SAMD13: variants seen among roughly 807,000 people sequenced by gnomAD.
SAMD13 encodes sterile alpha motif domain-containing protein 13.
SAMD13 carries 9 observed loss-of-function variants against 12.4 expected under a neutral mutation model. The observed-to-expected ratio is 0.72, with a 90% CI of 0.44 to 1.26. The LOEUF is 1.26. SAMD13 is among the 50% of genes most tolerant of loss of function. The pLI, the probability that SAMD13 is intolerant of heterozygous loss-of-function variation, is 0.00. For missense variants in SAMD13, 84 were observed against 119.6 expected, an observed-to-expected ratio of 0.70 and a Z score of 1.39; for synonymous variants, 46 against 45.4, an observed-to-expected ratio of 1.01 and a Z score of -0.05.
intron 3 of SAMD13, among the ~76,000 whole-genome samples, chr1:84,348,430 G>A (rs551589332): frequency 6.6e-6 from 1 of 152,120 alleles, no homozygotes; most frequent in African/African-American, 2.4e-5. Context: ...CCCCATGTCT[G>A]TCGGTCAGTG....
At chr1:84,334,938 T>A (rs986994887) in intron 3 of SAMD13, among the ~76,000 whole-genome samples, 7 of 152,142 alleles carry the variant, frequency 4.6e-5, no homozygotes, top group South Asian at 2.1e-4. Context: ...CCCTTTTTTT[T>A]AATTTTCTGA....
At chr1:84,325,582 G>C in intron 2 of SAMD13, 55 bp from the exon 3 acceptor site, 1 of 1,087,882 alleles carries the variant, frequency 9.2e-7, no homozygotes, top group Non-Finnish European at 1.4e-6. Context: ...TGTGAGCCTG[G>C]CCACACCCTT....
chr1:84,343,165 C>T (rs1273922115), intron 3 of SAMD13, among the ~76,000 whole-genome samples: 1 of 152,190 alleles, frequency 6.6e-6, no homozygotes, highest in Non-Finnish European at 1.5e-5. Context: ...TACCATCTTA[C>T]ACCAGTCAGA....
At chr1:84,307,048 GTGTT>G (rs1678595127) in intron 2 of SAMD13, among the ~76,000 whole-genome samples, 1 of 151,894 alleles carries the variant, frequency 6.6e-6, no homozygotes, top group South Asian at 2.1e-4. Flanking sequence ...CTTGTGCTTT[GTGTT>G]TGTTTGGTTT....
In SAMD13 at chr1:84,318,454, T is replaced by A. The variant is rs1182326309; in HGVS notation, c.54-7183T>A. Among the ~76,000 whole-genome samples, 4 of 152,254 alleles carry A rather than the reference T, an allele frequency of 2.6e-5. No individual in the cohort carries two copies. The East Asian group carries it at 7.7e-4, about 29-fold the overall frequency. The stretch of plus-strand genomic sequence containing the variant: ...GCCATTGATTTCTAGTTTCATTCAA[T>A]CAAAAAAGATATTTGGTATAATTTC... On this transcript the variant is annotated intron_variant, in intron 2 of 3. Transcript: ENST00000394834.
rs1358076827 is a variant in SAMD13, at chr1:84,349,892, A to C, written c.*118A>C. On this transcript the variant is annotated 3_prime_UTR_variant, in exon 4 of 4. Transcript: ENST00000394834. The stretch of plus-strand genomic sequence containing the variant: ...TGTATATGTAAAGAATTTCAATCAA[A>C]TGAAACGTTATCCTATTGGATAGAC... The C allele has an allele frequency of 6.9e-7, 1 of 1,439,454 alleles. No individual in the cohort carries two copies. Among genetic ancestry groups the C allele is most frequent in the Non-Finnish European group, 9.1e-7 (1 of 1,098,656 alleles). The allele number at this position is 1,439,454 out of a possible 1,614,324, so 89.2% of individuals were successfully genotyped here.
At chr1:84,322,905 C>A (rs1186848851) in intron 2 of SAMD13, among the ~76,000 whole-genome samples, 1 of 152,082 alleles carries the variant, frequency 6.6e-6, no homozygotes, top group African/African-American at 2.4e-5. Flanking sequence ...ATCAGGAAAG[C>A]CTCCCATCTT....
chr1:84,347,783 C>T lies in SAMD13; in HGVS notation c.166-1848C>T, dbSNP rs538864710. Among the ~76,000 whole-genome samples, 225 of 152,266 alleles carry T rather than the reference C, an allele frequency of 1.5e-3. 4 individuals carry two copies. In the South Asian group the frequency reaches 0.019, roughly 13 times the overall value. ...CTGTGGTTTCCAGGGGCCAGAGGCT[C>T]CTCTCCCAACTCTCAGACATGCAGG... On this transcript the variant is annotated intron_variant, in intron 3 of 3. Coordinates refer to ENST00000394834, the MANE Select transcript of SAMD13 (RefSeq NM_001134663.2).
intron 3 of SAMD13, 147 bp from the exon 4 acceptor site, chr1:84,349,484 A>G: frequency 5.1e-6 from 7 of 1,361,974 alleles, no homozygotes; most frequent in Non-Finnish European, 6.9e-6. Context: ...AGAGGATTGC[A>G]TTTTTTCCAT....
intron 2 of SAMD13, among the ~76,000 whole-genome samples, chr1:84,322,475 C>G (rs192754788): frequency 6.4e-4 from 97 of 152,242 alleles, no homozygotes; most frequent in African/African-American, 2.2e-3. Context: ...GTGTGAAAAA[C>G]AGATTTTAAG....
chr1:84,310,302 GGAA>G (rs751807963), intron 2 of SAMD13, among the ~76,000 whole-genome samples: 45 of 152,100 alleles, frequency 3.0e-4, no homozygotes, highest in Non-Finnish European at 5.4e-4. Flanking sequence ...GGGCCACATT[GGAA>G]GAAGAATTGT....
At chr1:84,315,792 G>A (rs540013810) in intron 2 of SAMD13, among the ~76,000 whole-genome samples, 1 of 152,250 alleles carries the variant, frequency 6.6e-6, no homozygotes, top group Admixed American at 6.5e-5. Context: ...GGAATCTACA[G>A]TTCCATAGCA....
chr1:84,322,249 T>C (rs951525226), intron 2 of SAMD13, among the ~76,000 whole-genome samples: 6 of 152,096 alleles, frequency 3.9e-5, no homozygotes, highest in Non-Finnish European at 7.4e-5. Context: ...AGCATAATAC[T>C]GAGAAGACAG....
At chr1:84,328,794 A>G (rs1333024067) in intron 3 of SAMD13, among the ~76,000 whole-genome samples, 2 of 152,144 alleles carry the variant, frequency 1.3e-5, no homozygotes, top group East Asian at 3.9e-4. Context: ...AGGTACATGC[A>G]GGTACATGCA....
intron 2 of SAMD13, among the ~76,000 whole-genome samples, chr1:84,305,708 G>C (rs1678553278): frequency 6.6e-6 from 1 of 152,158 alleles, no homozygotes; most frequent in African/African-American, 2.4e-5. Flanking sequence ...AAGGGTTGAA[G>C]TGCTTTGTGT....
At chr1:84,333,925 C>T (rs1570253617) in intron 3 of SAMD13, among the ~76,000 whole-genome samples, 1 of 152,018 alleles carries the variant, frequency 6.6e-6, no homozygotes, top group East Asian at 1.9e-4. Context: ...GGGAGATTAG[C>T]TTTTTGATAT....
intron 3 of SAMD13, chr1:84,344,959 C>A (rs1570265124): frequency 2.2e-6 from 1 of 456,718 alleles, no homozygotes; most frequent in Non-Finnish European, 4.4e-6. Flanking sequence ...TATGCATTCT[C>A]AGGATTCTCA....
intron 2 of SAMD13, among the ~76,000 whole-genome samples, chr1:84,317,198 C>A (rs1309396718): frequency 6.6e-6 from 1 of 151,924 alleles, no homozygotes; most frequent in Non-Finnish European, 1.5e-5. Context: ...CTATTTATTT[C>A]TTTGTCTTGC....
intron 3 of SAMD13, among the ~76,000 whole-genome samples, chr1:84,328,425 A>C (rs1341408392): frequency 6.6e-6 from 1 of 152,196 alleles, no homozygotes. Flanking sequence ...ATGGTCCAGA[A>C]GCTTGAGTTT....
Sources: gnomAD v4.1 joint callset for allele counts (sites outside exome capture counted in the v4.1 genomes callset) on GRCh38, gnomAD v4.1.1 for gene constraint, MANE v1.5 for transcripts, NCBI Gene and HGNC (gene_info 2026-07-23, HGNC 2026-07-21) for gene names.